The following DKK2 variants were observed in gnomAD, a reference collection of about 807,000 sequenced individuals.
DKK2 encodes dickkopf-related protein 2.
A neutral mutation model predicts 28.1 loss-of-function variants in DKK2; 11 were observed. The observed-to-expected ratio is 0.39, with a 90% CI of 0.25 to 0.65. The LOEUF is 0.65. DKK2 is among the 30% of genes least tolerant of loss of function. DKK2 has a pLI of 0.47. For missense variants in DKK2, 326 were observed against 335.5 expected (o/e 0.97, Z 0.22); for synonymous variants, 135 against 126.5 (o/e 1.07, Z -0.45).
intron 1 of DKK2, among the ~76,000 whole-genome samples, chr4:107,020,821 A>G (rs1004858692): frequency 6.6e-6 from 1 of 152,042 alleles, no homozygotes; most frequent in African/African-American, 2.4e-5. Context: ...ATGAAGTAAC[A>G]TGTGCCACCA....
At chr4:106,946,325 A>G (rs904765203) in intron 1 of DKK2, among the ~76,000 whole-genome samples, 1 of 152,116 alleles carries the variant, frequency 6.6e-6, no homozygotes, top group African/African-American at 2.4e-5. Context: ...AGAAACAACA[A>G]GTATTTATGG....
At chr4:107,026,013 G>A (rs1723773613) in intron 1 of DKK2, among the ~76,000 whole-genome samples, 1 of 152,198 alleles carries the variant, frequency 6.6e-6, no homozygotes, top group South Asian at 2.1e-4. Context: ...CTTTGTCAGA[G>A]GCATTGATTA....
chr4:106,984,930 C>T (rs1012713198), intron 1 of DKK2, among the ~76,000 whole-genome samples: 6 of 152,182 alleles, frequency 3.9e-5, no homozygotes, highest in Non-Finnish European at 8.8e-5. Flanking sequence ...ATGGGCTGGG[C>T]CGGGCACGGT....
In DKK2 at chr4:107,021,624, A is replaced by T. The variant is rs374887961; in HGVS notation, c.222+13746T>A. ...GGTTACCGCCGATTCCTACACTCCA[A>T]CTTAGTTATTTCTCCCCATACTTCT... is the stretch of plus-strand genomic sequence containing the variant. On this transcript the variant is annotated intron_variant, in intron 1 of 3. Transcript: ENST00000285311. Among the ~76,000 whole-genome samples the T allele has an allele frequency of 5.9e-5, 9 of 152,102 alleles. 1 individual carries two copies. Among genetic ancestry groups the T allele is most frequent in the Admixed American group, 5.9e-4 (9 of 15,250 alleles).
Position 106,964,777 on chromosome 4 carries a change from A to G in DKK2, c.223-38828T>C, listed in dbSNP as rs1722742850. On this transcript the variant is annotated intron_variant, in intron 1 of 3. Coordinates refer to ENST00000285311, the MANE Select transcript of DKK2 (RefSeq NM_014421.3). ...AAAGGCCATAAGGACATACAATGGG[A>G]TTTCCCAGAGAAGTAGAAATTCTGA... 1.3e-5 allele frequency among the ~76,000 whole-genome samples: 2 copies of G among 152,114 alleles called. 1 individual carries two copies. Among genetic ancestry groups the G allele is most frequent in the South Asian group, 4.1e-4 (2 of 4,828 alleles).
chr4:106,964,735 A>C (rs545431112), intron 1 of DKK2, among the ~76,000 whole-genome samples: 165 of 152,200 alleles, frequency 1.1e-3, no homozygotes, highest in African/African-American at 3.6e-3. Context: ...TGTTGATGGG[A>C]CTCATCTAAT....
intron 1 of DKK2, among the ~76,000 whole-genome samples, chr4:107,029,703 T>C (rs1723847500): frequency 6.6e-6 from 1 of 152,176 alleles, no homozygotes; most frequent in Non-Finnish European, 1.5e-5. Context: ...TGGACAGAAC[T>C]ACCACTTTGA....
chr4:106,972,861 G>C (rs1004171967), intron 1 of DKK2, among the ~76,000 whole-genome samples: 1 of 152,038 alleles, frequency 6.6e-6, no homozygotes, highest in Non-Finnish European at 1.5e-5. Flanking sequence ...TTTACATTAG[G>C]TATTTCTCCT....
intron 1 of DKK2, among the ~76,000 whole-genome samples, chr4:106,940,136 G>T (rs1724671153): frequency 6.6e-6 from 1 of 152,194 alleles, no homozygotes; most frequent in South Asian, 2.1e-4. Context: ...AAGAGCTTCT[G>T]CACAGCAAAA....
At chr4:107,030,318 C>T (rs1210382196) in intron 1 of DKK2, among the ~76,000 whole-genome samples, 3 of 151,978 alleles carry the variant, frequency 2.0e-5, no homozygotes, top group Non-Finnish European at 4.4e-5. Flanking sequence ...AGAAAATTGA[C>T]CTTTGCTTAC....
chr4:106,991,333 T>C (rs1723200659), intron 1 of DKK2, among the ~76,000 whole-genome samples: 1 of 152,146 alleles, frequency 6.6e-6, no homozygotes, highest in Non-Finnish European at 1.5e-5. Context: ...TCCATCCCAC[T>C]GCAGTAGAAA....
intron 1 of DKK2, among the ~76,000 whole-genome samples, chr4:106,988,066 A>G (rs555167110): frequency 8.0e-4 from 121 of 152,192 alleles, no homozygotes; most frequent in African/African-American, 2.0e-3. Context: ...GGGTTTCACC[A>G]TGTTAGCCAG....
intron 1 of DKK2, among the ~76,000 whole-genome samples, chr4:106,947,395 G>T (rs891861805): frequency 2.0e-5 from 3 of 152,070 alleles, no homozygotes; most frequent in African/African-American, 7.2e-5. Flanking sequence ...TGTGACAACA[G>T]CTTGAAAGAT....
intron 1 of DKK2, among the ~76,000 whole-genome samples, chr4:106,991,897 C>A (rs1723210508): frequency 6.6e-6 from 1 of 152,188 alleles, no homozygotes; most frequent in African/African-American, 2.4e-5. Flanking sequence ...ATTCCCTGAT[C>A]ATTTTGCACC....
intron 1 of DKK2, among the ~76,000 whole-genome samples, chr4:106,943,553 C>A (rs1478113967): frequency 3.3e-5 from 5 of 151,976 alleles, no homozygotes; most frequent in Admixed American, 3.3e-4. Flanking sequence ...TATTTATAAC[C>A]TATACAGTAT....
intron 1 of DKK2, among the ~76,000 whole-genome samples, chr4:107,003,574 G>A (rs1198615742): frequency 1.3e-5 from 2 of 152,176 alleles, no homozygotes; most frequent in African/African-American, 2.4e-5. Context: ...TTTTCCTTTG[G>A]AGAGATTCTG....
At chr4:106,941,710 G>C (rs1351626659) in intron 1 of DKK2, among the ~76,000 whole-genome samples, 7 of 152,092 alleles carry the variant, frequency 4.6e-5, no homozygotes, top group Non-Finnish European at 2.9e-5. Flanking sequence ...CATAATGATA[G>C]GGTTAAGCAT....
chr4:106,939,274 C>CA lies in DKK2; in HGVS notation c.223-13326dup, dbSNP rs907863130. 2.0e-3 allele frequency among the ~76,000 whole-genome samples: 298 copies of CA among 152,254 alleles called. 2 individuals are homozygous for CA. Among genetic ancestry groups the CA allele is most frequent in the African/African-American group, 6.9e-3 (285 of 41,544 alleles). ...GCAACTTCAGCAAAGTCTCGGGATA[C>CA]AAAATCAATGTACAAAAATCACAAG... On this transcript the variant is annotated intron_variant, in intron 1 of 3. Transcript: ENST00000285311.
chr4:106,963,682 A>G (rs571460686), intron 1 of DKK2, among the ~76,000 whole-genome samples: 3 of 152,304 alleles, frequency 2.0e-5, no homozygotes, highest in African/African-American at 7.2e-5. Context: ...TGCTGGGTAT[A>G]TATCCCAGCA....
Sources: allele counts gnomAD v4.1 joint callset (sites outside exome capture counted in the v4.1 genomes callset), GRCh38; gene constraint gnomAD v4.1.1; transcripts MANE v1.5; gene names NCBI Gene and HGNC (gene_info 2026-07-23, HGNC 2026-07-21).